Variants in UBTD1 observed in about 807,000 individuals in gnomAD.
UBTD1 encodes ubiquitin domain containing 1.
UBTD1 carries 19 observed loss-of-function variants against 21.7 expected under a neutral mutation model. That is an observed-to-expected ratio of 0.87 (90% CI 0.61 to 1.28). The LOEUF is 1.28. UBTD1 is among the 50% of genes most tolerant of loss of function. The probability of loss-of-function intolerance (pLI) is 0.00; values close to 1 mark genes in which losing one functional copy is unlikely to be tolerated. For missense variants in UBTD1, 282 were observed against 315.1 expected (o/e 0.89, Z 0.80); for synonymous variants, 116 against 135.1 (o/e 0.86, Z 0.98).
chr10:97,565,786 A>C (rs2040714578), intron 1 of UBTD1, among the ~76,000 whole-genome samples: 1 of 152,002 alleles, frequency 6.6e-6, no homozygotes, highest in Admixed American at 6.6e-5. Context: ...ATCATGGCTC[A>C]CTGCAGCCTC....
At chr10:97,546,444 G>A (rs988121479) in intron 1 of UBTD1, among the ~76,000 whole-genome samples, 1 of 152,034 alleles carries the variant, frequency 6.6e-6, no homozygotes. Flanking sequence ...AAAAAAATTA[G>A]CCGAATGTCG....
chr10:97,545,059 G>A (rs1188399927), intron 1 of UBTD1, among the ~76,000 whole-genome samples: 2 of 152,100 alleles, frequency 1.3e-5, no homozygotes, highest in Non-Finnish European at 2.9e-5. Context: ...CTCCGGCCAA[G>A]CATGGTGGCT....
At chr10:97,540,447 T>G (rs2135674519) in intron 1 of UBTD1, among the ~76,000 whole-genome samples, 1 of 152,332 alleles carries the variant, frequency 6.6e-6, no homozygotes, top group Middle Eastern at 3.4e-3. Flanking sequence ...ACCACCCAGC[T>G]GTGTGGCCTT....
intron 1 of UBTD1, among the ~76,000 whole-genome samples, chr10:97,533,274 T>C (rs1173778737): frequency 6.6e-6 from 1 of 152,226 alleles, no homozygotes; most frequent in Non-Finnish European, 1.5e-5. Context: ...GCCCCGGGTT[T>C]GCTGCCTTCT....
At chr10:97,548,024 C>G (rs1054910681) in intron 1 of UBTD1, among the ~76,000 whole-genome samples, 2 of 152,192 alleles carry the variant, frequency 1.3e-5, no homozygotes, top group African/African-American at 4.8e-5. Flanking sequence ...TTAATCCTTA[C>G]AGCAGTCCCA....
intron 1 of UBTD1, among the ~76,000 whole-genome samples, chr10:97,527,257 C>G (rs1170058291): frequency 6.6e-6 from 1 of 150,502 alleles, no homozygotes; most frequent in East Asian, 1.9e-4. Context: ...GAGGCCAACG[C>G]AGGAGGATCA....
intron 1 of UBTD1, among the ~76,000 whole-genome samples, chr10:97,510,924 G>A (rs1295309377): frequency 2.0e-5 from 3 of 152,116 alleles, no homozygotes; most frequent in Non-Finnish European, 4.4e-5. Flanking sequence ...CCACATAGAT[G>A]GAAACATTTC....
chr10:97,502,956 G>C (rs988119004), intron 1 of UBTD1, among the ~76,000 whole-genome samples: 4 of 148,364 alleles, frequency 2.7e-5, no homozygotes, highest in African/African-American at 7.5e-5. Context: ...TTGTTCTCTC[G>C]CTCAGGCTGG....
chr10:97,511,446 G>T (rs185693663), intron 1 of UBTD1, among the ~76,000 whole-genome samples: 5 of 152,248 alleles, frequency 3.3e-5, no homozygotes, highest in Admixed American at 3.3e-4. Flanking sequence ...CCCTAAACAG[G>T]TATCTCTGGT....
intron 1 of UBTD1, among the ~76,000 whole-genome samples, chr10:97,550,221 T>C (rs2040630532): frequency 6.6e-6 from 1 of 152,190 alleles, no homozygotes; most frequent in Non-Finnish European, 1.5e-5. Flanking sequence ...AGGACACTGT[T>C]GGCCCCATCC....
Position 97,570,019 on chromosome 10 carries a change from G to A in UBTD1, c.299-119G>A. 1.4e-6 allele frequency: 2 copies of A among 1,406,500 alleles called. No homozygotes were observed. The allele number at this position is 1,406,500 out of a possible 1,614,324, so 87.1% of individuals were successfully genotyped here. A position where few individuals can be genotyped will look rare whatever the true frequency, so the allele number is the denominator to read the frequency against. The stretch of plus-strand genomic sequence containing the variant: ...TTATTTATTTCTGTATAGGCCCCAT[G>A]TCCAAATACAGTCACATTGGGGGTT... On this transcript the variant is annotated intron_variant, in intron 2 of 2. Transcript: ENST00000370664. The surrounding 1 kb of genome is among the most constrained non-coding windows in gnomAD (Gnocchi z 6.6).
chr10:97,518,039 C>T (rs1045477022), intron 1 of UBTD1, among the ~76,000 whole-genome samples: 1 of 152,158 alleles, frequency 6.6e-6, no homozygotes, highest in Admixed American at 6.5e-5. Context: ...TGGTGTTGGC[C>T]TCCTTGGCCT....
chr10:97,540,328 T>C (rs1363501602), intron 1 of UBTD1, among the ~76,000 whole-genome samples: 1 of 152,218 alleles, frequency 6.6e-6, no homozygotes, highest in Non-Finnish European at 1.5e-5. Context: ...TTCCTGAGCA[T>C]CGGCTAGACT....
At chr10:97,512,385 G>A (rs2040426561) in intron 1 of UBTD1, among the ~76,000 whole-genome samples, 1 of 152,180 alleles carries the variant, frequency 6.6e-6, no homozygotes, top group Admixed American at 6.5e-5. Context: ...GATCCACAGA[G>A]CCAAGAGCTC....
intron 1 of UBTD1, among the ~76,000 whole-genome samples, chr10:97,504,073 G>A (rs900544522): frequency 1.3e-5 from 2 of 151,916 alleles, no homozygotes; most frequent in South Asian, 2.1e-4. Flanking sequence ...AATTCTCGTC[G>A]TCCCTGACTT....
chr10:97,561,274 C>G (rs1163633285), intron 1 of UBTD1, among the ~76,000 whole-genome samples: 1 of 152,132 alleles, frequency 6.6e-6, no homozygotes, highest in Non-Finnish European at 1.5e-5. Context: ...GTCTGAGGGG[C>G]TGCCTCAGCC....
rs538987727 is a variant in UBTD1 at position 97,562,795 on chromosome 10, T to C, written c.71-5119T>C. ...AGTTCCTTCAGGCCATCTGGATGTATATATGTAGGTCACAGGACATATGAT... is the reference window on the plus strand; with the variant it reads ...AGTTCCTTCAGGCCATCTGGATGTACATATGTAGGTCACAGGACATATGAT... On this transcript the variant is annotated intron_variant, in intron 1 of 2. Transcript: ENST00000370664. Among the ~76,000 whole-genome samples the C allele has an allele frequency of 3.9e-5, 6 of 152,306 alleles. No homozygotes were observed. The South Asian group carries it at 1.2e-3, about 32-fold the overall frequency.
At chr10:97,512,215 C>T (rs2040425708) in intron 1 of UBTD1, among the ~76,000 whole-genome samples, 1 of 152,212 alleles carries the variant, frequency 6.6e-6, no homozygotes, top group African/African-American at 2.4e-5. Flanking sequence ...GCCCAGGCAG[C>T]AGATCCAAGA....
chr10:97,545,338 CAAA>C (rs71007349), intron 1 of UBTD1, among the ~76,000 whole-genome samples: 1 of 126,828 alleles, frequency 7.9e-6, no homozygotes. Context: ...GACTCCGTCT[CAAA>C]AAAAAAAAAA....
Sources: allele counts gnomAD v4.1 joint callset (sites outside exome capture counted in the v4.1 genomes callset), GRCh38; gene constraint gnomAD v4.1.1; non-coding constraint Gnocchi (gnomAD v3.1); transcripts MANE v1.5; gene names NCBI Gene and HGNC (gene_info 2026-07-23, HGNC 2026-07-21).